The following SYNJ2BP variants were observed in gnomAD, a reference collection of about 807,000 sequenced individuals.
SYNJ2BP encodes the protein synaptojanin 2 binding protein.
Under a neutral mutation model 16.9 loss-of-function variants are expected in SYNJ2BP, and 10 were observed. That is an observed-to-expected ratio of 0.59 (90% CI 0.36 to 1.00). The LOEUF (loss-of-function observed/expected upper bound fraction) is 1.00. SYNJ2BP is among the 50% of genes least tolerant of loss of function. The pLI is 0.01. For synonymous variants in SYNJ2BP, 54 were observed against 68.4 expected (o/e 0.79, Z 1.04); for missense variants, 162 against 186.7 (o/e 0.87, Z 0.77).
chr14:70,376,309 T>C (rs1887628959), intron 2 of SYNJ2BP, among the ~76,000 whole-genome samples: 1 of 152,252 alleles, frequency 6.6e-6, no homozygotes, highest in Non-Finnish European at 1.5e-5. Flanking sequence ...TCCTATCCAT[T>C]ATATCCAAAT....
chr14:70,382,003 A>AAGGC (rs1470079194), intron 2 of SYNJ2BP, among the ~76,000 whole-genome samples: 1 of 152,142 alleles, frequency 6.6e-6, no homozygotes, highest in East Asian at 1.9e-4. Flanking sequence ...TTGGGAGGCA[A>AAGGC]AGGCAGGCGG....
rs1007220703 is a variant in SYNJ2BP, at chr14:70,367,194, C to G, written c.*5797G>C. The G allele has an allele frequency of 1.3e-5, 2 of 152,120 alleles. No individual in the cohort carries two copies. The highest frequency in any genetic ancestry group is 2.9e-5 in the Non-Finnish European group (2 of 68,026). The allele number at this position is 152,120 out of a possible 1,614,324, so 9.4% of individuals were successfully genotyped here. A position where few individuals can be genotyped will look rare whatever the true frequency, so the allele number is the denominator to read the frequency against. On this transcript the variant is annotated 3_prime_UTR_variant, in exon 4 of 4. Coordinates refer to ENST00000256366, the MANE Select transcript of SYNJ2BP (RefSeq NM_018373.3). Reference sequence around the variant, plus strand: ...ACTTGATTCCTTTGAAGGAGCAATGCTTTCTCATAATATAGGTTTTATAGT... The same window carrying G: ...ACTTGATTCCTTTGAAGGAGCAATGGTTTCTCATAATATAGGTTTTATAGT...
At chr14:70,408,902 C>T (rs1220974234) in intron 1 of SYNJ2BP, among the ~76,000 whole-genome samples, 1 of 151,978 alleles carries the variant, frequency 6.6e-6, no homozygotes, top group African/African-American at 2.4e-5. Flanking sequence ...GGTACGATCT[C>T]AGGTCACTGC....
At chr14:70,388,015 C>T (rs1452262360) in intron 2 of SYNJ2BP, among the ~76,000 whole-genome samples, 2 of 152,008 alleles carry the variant, frequency 1.3e-5, no homozygotes, top group African/African-American at 2.4e-5. Flanking sequence ...TGAAAAAGGG[C>T]TCTGAGTCTG....
chr14:70,396,757 G>A lies in SYNJ2BP; in HGVS notation c.65-8151C>T, dbSNP rs141517882. On this transcript the variant is annotated intron_variant, in intron 1 of 3. Transcript: ENST00000256366. Reference sequence around the variant, plus strand: ...GTGATGTTAAATATTTTTTTCATGTGCTTATTGGCCATTGGCCATTTGTAT... The same window carrying A: ...GTGATGTTAAATATTTTTTTCATGTACTTATTGGCCATTGGCCATTTGTAT... Among the ~76,000 whole-genome samples the A allele has an allele frequency of 5.2e-3, 798 of 152,108 alleles. 7 individuals are homozygous for A. The highest frequency in any genetic ancestry group is 0.019 in the African/African-American group (776 of 41,504).
chr14:70,375,981 T>C (rs1487178211), intron 2 of SYNJ2BP, among the ~76,000 whole-genome samples: 1 of 152,238 alleles, frequency 6.6e-6, no homozygotes, highest in Non-Finnish European at 1.5e-5. Context: ...ACAGGCCATC[T>C]GAAGAGAACC....
At chr14:70,403,126 G>A (rs1278187617) in intron 1 of SYNJ2BP, among the ~76,000 whole-genome samples, 4 of 152,140 alleles carry the variant, frequency 2.6e-5, no homozygotes, top group Admixed American at 2.6e-4. Flanking sequence ...GCAATTTAGG[G>A]TTACCTAGCT....
At chr14:70,401,510 G>A (rs1401363767) in intron 1 of SYNJ2BP, among the ~76,000 whole-genome samples, 2 of 136,216 alleles carry the variant, frequency 1.5e-5, no homozygotes. Context: ...TCCTCTCTTG[G>A]ATCCTGGTTC....
intron 3 of SYNJ2BP, among the ~76,000 whole-genome samples, chr14:70,374,869 G>GT (rs1159100040): frequency 2.0e-5 from 3 of 151,684 alleles, no homozygotes; most frequent in Non-Finnish European, 4.4e-5. Flanking sequence ...AATTGGCTAC[G>GT]TTTTTTTACC....
intron 1 of SYNJ2BP, among the ~76,000 whole-genome samples, chr14:70,390,680 A>G (rs1001345113): frequency 6.6e-6 from 1 of 151,040 alleles, no homozygotes; most frequent in Non-Finnish European, 1.5e-5. Flanking sequence ...AAAAAAAAAT[A>G]AAAAAGAGAC....
chr14:70,397,195 T>G (rs1289065247), intron 1 of SYNJ2BP, among the ~76,000 whole-genome samples: 1 of 152,220 alleles, frequency 6.6e-6, no homozygotes, highest in Non-Finnish European at 1.5e-5. Flanking sequence ...TACTTCTGCA[T>G]GTGAATATAC....
At chr14:70,380,589 G>A (rs1887726839) in intron 2 of SYNJ2BP, among the ~76,000 whole-genome samples, 2 of 151,096 alleles carry the variant, frequency 1.3e-5, no homozygotes, top group African/African-American at 4.9e-5. Context: ...TTGAACACAG[G>A]AGGCAGAGGT....
At chr14:70,388,443 G>T (rs939479161) in intron 2 of SYNJ2BP, 27 bp downstream of exon 2, 2 of 1,522,558 alleles carry the variant, frequency 1.3e-6, no homozygotes, top group East Asian at 4.8e-5. Context: ...GCAAAGGACA[G>T]TGAAGGAGGC....
intron 1 of SYNJ2BP, among the ~76,000 whole-genome samples, chr14:70,390,885 G>A (rs1400858663): frequency 6.6e-6 from 1 of 152,174 alleles, no homozygotes; most frequent in Non-Finnish European, 1.5e-5. Flanking sequence ...TATAATCCCA[G>A]CACTTTGGGA....
rs367700278 is a variant in SYNJ2BP at position 70,388,609 on chromosome 14, G to A, written c.65-3C>T. 1.9e-4 allele frequency: 291 copies of A among 1,492,408 alleles called. No homozygotes were observed. Among genetic ancestry groups the A allele is most frequent in the Non-Finnish European group, 2.5e-4 (282 of 1,119,450 alleles). The allele number at this position is 1,492,408 out of a possible 1,614,324, so 92.4% of individuals were successfully genotyped here. On this transcript the variant is annotated splice_region_variant and splice_polypyrimidine_tract_variant and intron_variant, in intron 1 of 3. Coordinates refer to ENST00000256366, the MANE Select transcript of SYNJ2BP (RefSeq NM_018373.3). The stretch of plus-strand genomic sequence containing the variant: ...ACCGACGATGTTGAAGCCCAGCCCT[G>A]AGAAAATCATGGAGGAGTAAAAAGA...
At chr14:70,413,371 GCTCACGC>G (rs1368378324) in intron 1 of SYNJ2BP, among the ~76,000 whole-genome samples, 1 of 152,204 alleles carries the variant, frequency 6.6e-6, no homozygotes, top group Non-Finnish European at 1.5e-5. Context: ...GGGCGGGGTG[GCTCACGC>G]CTGTAATCCC....
Position 70,388,470 on chromosome 14 carries a change from C to G in SYNJ2BP, c.201G>C (p.Ser67=), listed in dbSNP as rs780920609. ...GAAGGAGGCCGAAGCCCATTCTCACCGAAAGGATCTTATCACCCTCCTGGA... is the reference window on the plus strand; with the variant it reads ...GAAGGAGGCCGAAGCCCATTCTCACGGAAAGGATCTTATCACCCTCCTGGA... ...GRLQEGDKIL[S]VNGQDLKNLL... is the part of the protein sequence containing the mutation. The change falls in exon 2 of 4, where the codon TCG becomes TCC. Residue 67 remains serine (S), a splice_region_variant and synonymous_variant. Transcript: ENST00000256366. 1 of 1,559,634 alleles carries G rather than the reference C, an allele frequency of 6.4e-7. No homozygotes were observed. The highest frequency in any genetic ancestry group is 8.7e-7 in the Non-Finnish European group (1 of 1,154,760).
chr14:70,416,684 T>C (rs1888617945), intron 1 of SYNJ2BP, among the ~76,000 whole-genome samples: 1 of 152,200 alleles, frequency 6.6e-6, no homozygotes, highest in Non-Finnish European at 1.5e-5. Context: ...TATATTTGTG[T>C]TCATCCAACT....
In SYNJ2BP at chr14:70,403,635, G is replaced by A. The variant is rs372067092; in HGVS notation, c.64+13265C>T. ...GCAATGTCAGGAAATTACCCTATATGGTCTAAAAAGGGGAGGCATAAATAA... is the reference window on the plus strand; with the variant it reads ...GCAATGTCAGGAAATTACCCTATATAGTCTAAAAAGGGGAGGCATAAATAA... On this transcript the variant is annotated intron_variant, in intron 1 of 3. Coordinates refer to ENST00000256366, the MANE Select transcript of SYNJ2BP (RefSeq NM_018373.3). Among the ~76,000 whole-genome samples, 38 of 152,220 alleles carry A rather than the reference G, an allele frequency of 2.5e-4. 2 individuals carry two copies. In the South Asian group the frequency reaches 7.5e-3, roughly 30 times the overall value.
Sources: allele counts gnomAD v4.1 joint callset (sites outside exome capture counted in the v4.1 genomes callset), GRCh38; gene constraint gnomAD v4.1.1; transcripts MANE v1.5; gene names NCBI Gene and HGNC (gene_info 2026-07-23, HGNC 2026-07-21).